Variants in BIVM observed in about 807,000 individuals in gnomAD.
BIVM encodes the protein basic immunoglobulin-like variable motif-containing protein.
BIVM carries 31 observed loss-of-function variants against 61.4 expected under a neutral mutation model. The observed-to-expected ratio is 0.51, with a 90% CI of 0.38 to 0.68. The LOEUF (loss-of-function observed/expected upper bound fraction) is 0.68, where lower values mean the gene tolerates loss of function less well. Ranked by LOEUF, BIVM falls within the 30% of genes least tolerant of loss-of-function variation. BIVM has a pLI of 0.00. For missense variants in BIVM, 526 were observed against 596.0 expected (o/e 0.88, Z 1.22); for synonymous variants, 189 against 210.7 (o/e 0.90, Z 0.89).
At chr13:102,822,222 C>A in intron 7 of BIVM, 63 bp downstream of exon 7, 25 of 1,487,566 alleles carry the variant, frequency 1.7e-5, no homozygotes, top group Non-Finnish European at 2.3e-5. Flanking sequence ...CACATACACA[C>A]ACACGGTTTA....
chr13:102,817,148 T>A (rs1009212995), intron 4 of BIVM, among the ~76,000 whole-genome samples: 3 of 152,130 alleles, frequency 2.0e-5, no homozygotes, highest in Non-Finnish European at 2.9e-5. Flanking sequence ...CACCCCACTT[T>A]CCCCCTTGTC....
Position 102,820,792 on chromosome 13 carries a change from T to A in BIVM, c.606-245T>A. On this transcript the variant is annotated intron_variant, in intron 4 of 10. Transcript: ENST00000257336. ...CGATATATCATTATTTTTTTTCCCA[T>A]TGGTTTGGATAACATCCACTTTAAC... 7.3e-6 allele frequency: 3 copies of A among 409,646 alleles called. No homozygotes were observed. The South Asian group carries it at 9.0e-5, about 12-fold the overall frequency. The allele number at this position is 409,646 out of a possible 1,614,324, so 25.4% of individuals were successfully genotyped here. A position where few individuals can be genotyped will look rare whatever the true frequency, so the allele number is the denominator to read the frequency against.
At chr13:102,802,745 CTTTTTTTT>C (rs35905954) in intron 1 of BIVM, among the ~76,000 whole-genome samples, 1 of 132,152 alleles carries the variant, frequency 7.6e-6, no homozygotes, top group Non-Finnish European at 1.6e-5. Flanking sequence ...TCTCTCTTTC[CTTTTTTTT>C]TTTTTTTTTT....
chr13:102,809,343 G>A (rs1879322556), intron 3 of BIVM, among the ~76,000 whole-genome samples: 1 of 152,022 alleles, frequency 6.6e-6, no homozygotes, highest in Admixed American at 6.5e-5. Context: ...TTCTAGTTTA[G>A]TTCCATTGTG....
intron 7 of BIVM, among the ~76,000 whole-genome samples, chr13:102,823,844 A>G (rs957866424): frequency 5.3e-5 from 8 of 151,940 alleles, no homozygotes; most frequent in Admixed American, 2.0e-4. Context: ...ATATTTTCAA[A>G]CCCTTTTATT....
rs1400386405 is a variant in BIVM at position 102,840,158 on chromosome 13, C to T, written c.*293C>T. The T allele has an allele frequency of 3.8e-6, 1 of 262,016 alleles. No homozygotes were observed. Among genetic ancestry groups the T allele is most frequent in the Admixed American group, 5.0e-5 (1 of 19,922 alleles). 16.2% of individuals were successfully genotyped at this position (262,016 alleles called of 1,614,324 possible). A position where few individuals can be genotyped will look rare whatever the true frequency, so the allele number is the denominator to read the frequency against. On this transcript the variant is annotated 3_prime_UTR_variant, in exon 11 of 11. Transcript: ENST00000257336. The stretch of plus-strand genomic sequence containing the variant: ...ACAACTGTTGTCTAAATAAGTGAAA[C>T]ACAAATTCACTTAATAGCATCAAGA...
chr13:102,841,190 T>C lies in BIVM; in HGVS notation c.*1325T>C, dbSNP rs184402441. ...CTCACAAATGACTAGGATCTCTTGTTCTTTAATTTTAGGGTCTTGTTCCAG... is the reference window on the plus strand; with the variant it reads ...CTCACAAATGACTAGGATCTCTTGTCCTTTAATTTTAGGGTCTTGTTCCAG... On this transcript the variant is annotated 3_prime_UTR_variant, in exon 11 of 11. Transcript: ENST00000257336. 16 of 152,786 alleles carry C rather than the reference T, an allele frequency of 1.0e-4. 1 individual carries two copies. Among genetic ancestry groups the C allele is most frequent in the Admixed American group, 9.1e-4 (14 of 15,310 alleles). The allele number at this position is 152,786 out of a possible 1,614,324, so 9.5% of individuals were successfully genotyped here. A position where few individuals can be genotyped will look rare whatever the true frequency, so the allele number is the denominator to read the frequency against.
At chr13:102,799,899 C>T (rs1454425642) in intron 1 of BIVM, among the ~76,000 whole-genome samples, 1 of 152,220 alleles carries the variant, frequency 6.6e-6, no homozygotes, top group Non-Finnish European at 1.5e-5. Flanking sequence ...TCGGTCTCCA[C>T]GCCACGCTGG....
At chr13:102,825,567 G>T (rs888984545) in intron 7 of BIVM, among the ~76,000 whole-genome samples, 1 of 152,168 alleles carries the variant, frequency 6.6e-6, no homozygotes, top group Non-Finnish European at 1.5e-5. Flanking sequence ...ACTGGCTTTC[G>T]AATATCCTGC....
At chr13:102,838,520 TA>T in intron 9 of BIVM, 122 bp from the exon 10 acceptor site, 1 of 729,412 alleles carries the variant, frequency 1.4e-6, no homozygotes, top group Non-Finnish European at 2.1e-6. Flanking sequence ...AATGTTGAGA[TA>T]AGAGAATTAC....
chr13:102,821,729 T>C lies in BIVM; in HGVS notation c.702-14T>C. 6.2e-7 allele frequency: 1 copy of C among 1,609,554 alleles called. No individual in the cohort carries two copies. Among genetic ancestry groups the C allele is most frequent in the African/African-American group, 1.3e-5 (1 of 74,826 alleles). The stretch of plus-strand genomic sequence containing the variant: ...GAATTGAAAAATGAAAGGCAATGAA[T>C]GTTTCTTTTGTAGCCTTCCACCTAT... On this transcript the variant is annotated splice_polypyrimidine_tract_variant and intron_variant, in intron 5 of 10. Coordinates refer to ENST00000257336, the MANE Select transcript of BIVM (RefSeq NM_017693.4).
At chr13:102,832,360 A>G (rs1261585748) in intron 8 of BIVM, among the ~76,000 whole-genome samples, 1 of 151,984 alleles carries the variant, frequency 6.6e-6, no homozygotes, top group Non-Finnish European at 1.5e-5. Flanking sequence ...CCAGCTCATA[A>G]AATTTTTTAA....
At chr13:102,837,344 CT>C (rs1881548768) in intron 9 of BIVM, among the ~76,000 whole-genome samples, 1 of 152,100 alleles carries the variant, frequency 6.6e-6, no homozygotes, top group Non-Finnish European at 1.5e-5. Flanking sequence ...TGGACTATAT[CT>C]TTACTTAATT....
rs1458632603 is a variant in BIVM, at chr13:102,821,610, TAAATA to T, written c.702-121_702-117del. 213 of 759,390 alleles carry T rather than the reference TAAATA, an allele frequency of 2.8e-4. 8 individuals carry two copies. The South Asian group carries it at 7.0e-3, about 25-fold the overall frequency. 47.0% of individuals were successfully genotyped at this position (759,390 alleles called of 1,614,324 possible). A position where few individuals can be genotyped will look rare whatever the true frequency, so the allele number is the denominator to read the frequency against. On this transcript the variant is annotated intron_variant, in intron 5 of 10. Coordinates refer to ENST00000257336, the MANE Select transcript of BIVM (RefSeq NM_017693.4). Reference sequence around the variant, plus strand: ...GAGTGAGAACCTGTCTCTAAAAAAATAAATAAAATAAAATAATGAAAAATATTACT... The same window carrying T: ...GAGTGAGAACCTGTCTCTAAAAAAATAAATAAAATAATGAAAAATATTACT...
At chr13:102,809,614 G>A (rs183520736) in intron 3 of BIVM, among the ~76,000 whole-genome samples, 123 of 152,284 alleles carry the variant, frequency 8.1e-4, no homozygotes, top group Middle Eastern at 6.8e-3. Flanking sequence ...TGATTGTGAA[G>A]TTGTCTTTTC....
At chr13:102,817,300 C>T (rs1165588843) in intron 4 of BIVM, among the ~76,000 whole-genome samples, 1 of 152,126 alleles carries the variant, frequency 6.6e-6, no homozygotes, top group Non-Finnish European at 1.5e-5. Context: ...TGCATCTAAC[C>T]TCAATATTTC....
At chr13:102,834,325 C>A in intron 8 of BIVM, 141 bp from the exon 9 acceptor site, 1 of 740,796 alleles carries the variant, frequency 1.3e-6, no homozygotes, top group Non-Finnish European at 2.0e-6. Context: ...AATTTGCCCT[C>A]ACCTAAGCTC....
chr13:102,837,892 C>T (rs751587497), intron 9 of BIVM, among the ~76,000 whole-genome samples: 1 of 152,126 alleles, frequency 6.6e-6, no homozygotes, highest in Non-Finnish European at 1.5e-5. Flanking sequence ...ACTTTGGGGA[C>T]TCCTGAGGGC....
At chr13:102,832,186 A>G (rs1881142169) in intron 8 of BIVM, among the ~76,000 whole-genome samples, 1 of 152,104 alleles carries the variant, frequency 6.6e-6, no homozygotes, top group Non-Finnish European at 1.5e-5. Context: ...AAGTCATTTG[A>G]AAAGTCACTT....
Sources: gnomAD v4.1 joint callset for allele counts (sites outside exome capture counted in the v4.1 genomes callset) on GRCh38, gnomAD v4.1.1 for gene constraint, MANE v1.5 for transcripts, NCBI Gene and HGNC (gene_info 2026-07-23, HGNC 2026-07-21) for gene names.